NALCN: variants seen among roughly 807,000 people sequenced by gnomAD.
The protein encoded by NALCN is sodium leak channel NALCN.
NALCN carries 111 observed loss-of-function variants against 225.3 expected under a neutral mutation model. The observed-to-expected ratio is 0.49, with a 90% CI of 0.42 to 0.58. The LOEUF (loss-of-function observed/expected upper bound fraction) is 0.58, where lower values mean the gene tolerates loss of function less well. Among genes scored for constraint, NALCN ranks in the 20% least tolerant of loss-of-function variants. NALCN has a pLI of 0.00. For missense variants in NALCN, 1,378 were observed against 2,202.4 expected (o/e 0.63, Z 7.49); for synonymous variants, 764 against 769.0 (o/e 0.99, Z 0.11).
At chr13:101,150,161 GTACTC>G in intron 15 of NALCN, among the ~76,000 whole-genome samples, 1 of 151,562 alleles carries the variant, frequency 6.6e-6, no homozygotes, top group South Asian at 2.1e-4. Context: ...ACTGTTGTAT[GTACTC>G]CATTCCACGT....
At chr13:101,377,901 G>A (rs2046739942) in intron 4 of NALCN, among the ~76,000 whole-genome samples, 1 of 152,048 alleles carries the variant, frequency 6.6e-6, no homozygotes, top group Non-Finnish European at 1.5e-5. Flanking sequence ...CTGAATGAAT[G>A]CACAGAAATT....
At chr13:101,290,026 T>C (rs1487368719) in intron 9 of NALCN, among the ~76,000 whole-genome samples, 1 of 152,202 alleles carries the variant, frequency 6.6e-6, no homozygotes, top group Non-Finnish European at 1.5e-5. Context: ...TCCTCAGCTA[T>C]AGCATTTTTC....
At chr13:101,415,764 GCCGCGGAGCCC>G (rs1842838684) in intron 1 of NALCN, among the ~76,000 whole-genome samples, 2 of 152,234 alleles carry the variant, frequency 1.3e-5, no homozygotes, top group Non-Finnish European at 2.9e-5. Flanking sequence ...GTGGGGCAAG[GCCGCGGAGCCC>G]CCGCGGAGAC....
At chr13:101,329,548 A>C (rs1291266004) in intron 7 of NALCN, among the ~76,000 whole-genome samples, 1 of 152,200 alleles carries the variant, frequency 6.6e-6, no homozygotes, top group Non-Finnish European at 1.5e-5. Context: ...AGCAGCAAAA[A>C]AATACTAAAA....
intron 39 of NALCN, 91 bp downstream of exon 39, chr13:101,067,827 T>C: frequency 2.3e-6 from 2 of 875,646 alleles, no homozygotes. Context: ...TCAATCTGTG[T>C]CATTTGCCAA....
At chr13:101,185,952 A>G (rs559106187) in intron 14 of NALCN, among the ~76,000 whole-genome samples, 3 of 152,194 alleles carry the variant, frequency 2.0e-5, no homozygotes, top group South Asian at 4.1e-4. Context: ...TTGTAAAAGG[A>G]AACATACAAT....
chr13:101,132,172 G>T (rs1039710945), intron 17 of NALCN, among the ~76,000 whole-genome samples: 1 of 151,788 alleles, frequency 6.6e-6, no homozygotes, highest in Non-Finnish European at 1.5e-5. Flanking sequence ...AATGCCATTA[G>T]CTACTTCCCA....
rs149507339 is a variant in NALCN, at chr13:101,335,396, T to C, written c.799+9870A>G. Among the ~76,000 whole-genome samples the C allele has an allele frequency of 2.7e-3, 413 of 152,114 alleles. 2 individuals are homozygous for C. Among genetic ancestry groups the C allele is most frequent in the African/African-American group, 9.4e-3 (388 of 41,420 alleles). The stretch of plus-strand genomic sequence containing the variant: ...AAAATCCTCAAGCACACATTTCATG[T>C]AACCTAGGGGCACTTATGATTCAAG... On this transcript the variant is annotated intron_variant, in intron 7 of 43. Coordinates refer to ENST00000251127, the MANE Select transcript of NALCN (RefSeq NM_052867.4).
intron 27 of NALCN, among the ~76,000 whole-genome samples, chr13:101,098,154 A>C (rs898139536): frequency 6.6e-6 from 1 of 151,974 alleles, no homozygotes; most frequent in Non-Finnish European, 1.5e-5. Flanking sequence ...TTTCCTGCTC[A>C]TCTCAAATCC....
At chr13:101,112,057 A>T (rs2035469862) in intron 18 of NALCN, among the ~76,000 whole-genome samples, 1 of 152,216 alleles carries the variant, frequency 6.6e-6, no homozygotes, top group Non-Finnish European at 1.5e-5. Context: ...TAAGCTTACA[A>T]GCAAAAATGA....
intron 15 of NALCN, among the ~76,000 whole-genome samples, chr13:101,164,308 G>C (rs1024119556): frequency 2.6e-5 from 4 of 151,892 alleles, no homozygotes; most frequent in African/African-American, 4.8e-5. Context: ...TGGGGGGTTG[G>C]GGGGACAGGG....
At chr13:101,059,386 A>G (rs1453701385) in intron 42 of NALCN, 1 of 153,546 alleles carries the variant, frequency 6.5e-6, no homozygotes, top group African/African-American at 2.4e-5. Flanking sequence ...AGCTAATTAC[A>G]AACATTTTCA....
intron 13 of NALCN, among the ~76,000 whole-genome samples, chr13:101,218,635 C>T (rs1239675639): frequency 6.6e-6 from 1 of 152,088 alleles, no homozygotes; most frequent in African/African-American, 2.4e-5. Flanking sequence ...GGTTGAGCAC[C>T]ATCTTCTCAG....
chr13:101,345,441 TG>T (rs758080907), intron 6 of NALCN, 21 bp from the exon 7 acceptor site: 3 of 1,605,670 alleles, frequency 1.9e-6, no homozygotes, highest in Admixed American at 1.7e-5. Flanking sequence ...CACATGAAAG[TG>T]TTAGACAATT....
At chr13:101,379,611 C>A (rs2046791030) in intron 3 of NALCN, among the ~76,000 whole-genome samples, 1 of 152,006 alleles carries the variant, frequency 6.6e-6, no homozygotes, top group Non-Finnish European at 1.5e-5. Context: ...CAAACTAACA[C>A]AGGAACAGAA....
rs972578680 is a variant in NALCN, at chr13:101,074,172, G to T, written c.4103+342C>A. On this transcript the variant is annotated intron_variant, in intron 36 of 43. Transcript: ENST00000251127. ...AGAAACCCAGAGTTATCTTAAAATT[G>T]TTCCATCTAAAAATAATATATCATT... is the stretch of plus-strand genomic sequence containing the variant. 1.1e-4 allele frequency among the ~76,000 whole-genome samples: 17 copies of T among 152,192 alleles called. 1 individual carries two copies. Among genetic ancestry groups the T allele is most frequent in the Admixed American group, 7.9e-4 (12 of 15,286 alleles).
chr13:101,217,206 T>C (rs918511896), intron 13 of NALCN, among the ~76,000 whole-genome samples: 1 of 152,174 alleles, frequency 6.6e-6, no homozygotes, highest in African/African-American at 2.4e-5. Context: ...TAGGCAATTA[T>C]GGAAAAACAT....
At chr13:101,215,549 G>C (rs116889411) in intron 13 of NALCN, among the ~76,000 whole-genome samples, 1 of 151,980 alleles carries the variant, frequency 6.6e-6, no homozygotes. Flanking sequence ...TGGAGCTTGC[G>C]GTCTTCTTCT....
chr13:101,294,563 T>A (rs1416891367), intron 7 of NALCN, among the ~76,000 whole-genome samples: 1 of 111,668 alleles, frequency 9.0e-6, no homozygotes, highest in African/African-American at 3.8e-5. Flanking sequence ...ATTGTTTCTT[T>A]TTTTTTTTTT....
Sources: allele counts gnomAD v4.1 joint callset (sites outside exome capture counted in the v4.1 genomes callset), GRCh38; gene constraint gnomAD v4.1.1; transcripts MANE v1.5; gene names NCBI Gene and HGNC (gene_info 2026-07-23, HGNC 2026-07-21).